Variants in ANGPTL4 observed in about 807,000 individuals in gnomAD.
ANGPTL4 encodes angiopoietin-related protein 4.
Under a neutral mutation model 39.2 loss-of-function variants are expected in ANGPTL4, and 39 were observed. The ratio of observed to expected loss-of-function variants is 1.00; its 90% CI spans 0.77 to 1.30. ANGPTL4 has a LOEUF of 1.30. Ranked by LOEUF, ANGPTL4 falls within the 50% of genes most tolerant of loss-of-function variation. ANGPTL4 has a pLI of 0.00. For missense variants in ANGPTL4, 545 were observed against 549.8 expected, an observed-to-expected ratio of 0.99 and a Z score of 0.09; for synonymous variants, 233 against 229.5, an observed-to-expected ratio of 1.02 and a Z score of -0.14.
rs200197036 is a variant in ANGPTL4 at position 8,366,196 on chromosome 19, TC to T, written c.430-4del. 3,394 of 1,614,004 alleles carry T rather than the reference TC, an allele frequency of 2.1e-3. 80 individuals are homozygous for T. The African/African-American group carries it at 0.043, about 20-fold the overall frequency. ...GACCTGACACCCTCCTCCCGTCCCA[TC>T]CTAGTTTGGCCTCCTGGACCACAAG... On this transcript the variant is annotated splice_polypyrimidine_tract_variant and splice_region_variant and intron_variant, in intron 2 of 6. Coordinates refer to ENST00000301455, the MANE Select transcript of ANGPTL4 (RefSeq NM_139314.3).
At chr19:8,373,130 C>T (rs548981208) in intron 6 of ANGPTL4, among the ~76,000 whole-genome samples, 34 of 151,572 alleles carry the variant, frequency 2.2e-4, no homozygotes, top group African/African-American at 7.3e-4. Context: ...TTAGGCCAGG[C>T]GCAGTGGGTC....
At chr19:8,369,823 G>C (rs967172376) in intron 4 of ANGPTL4, among the ~76,000 whole-genome samples, 41 of 152,014 alleles carry the variant, frequency 2.7e-4, no homozygotes, top group African/African-American at 9.7e-4. Context: ...ACTTTGGGAG[G>C]CCTATCATGA....
chr19:8,366,176 G>A (rs1444696745), intron 2 of ANGPTL4, 26 bp from the exon 3 acceptor site: 1 of 1,613,194 alleles, frequency 6.2e-7, no homozygotes, highest in Admixed American at 1.7e-5. Context: ...GGCAGGACCT[G>A]ACACCCTCCT....
At chr19:8,364,722 G>A in intron 1 of ANGPTL4, 83 bp downstream of exon 1, 2 of 1,502,062 alleles carry the variant, frequency 1.3e-6, no homozygotes, top group Middle Eastern at 1.9e-4. Flanking sequence ...GGGCGTGGGG[G>A]CGGGGTGCGC....
At chr19:8,364,750 C>G (rs10419021) in intron 1 of ANGPTL4, 111 bp downstream of exon 1, 19 of 1,340,724 alleles carry the variant, frequency 1.4e-5, no homozygotes, top group Middle Eastern at 2.2e-4. Context: ...GCTCCCTGGG[C>G]TTCCCTGCGT....
chr19:8,368,391 T>C lies in ANGPTL4; in HGVS notation c.548-828T>C, dbSNP rs550588376. 9.2e-4 allele frequency among the ~76,000 whole-genome samples: 140 copies of C among 152,338 alleles called. 1 individual carries two copies. The highest frequency in any genetic ancestry group is 3.2e-3 in the African/African-American group (132 of 41,586). The stretch of plus-strand genomic sequence containing the variant: ...CCAGGCTGTGGGCAGAGCTGCTCCT[T>C]GTCCCCAGCCTCATGGAGCCTCCAT... On this transcript the variant is annotated intron_variant, in intron 3 of 6. Coordinates refer to ENST00000301455, the MANE Select transcript of ANGPTL4 (RefSeq NM_139314.3).
intron 3 of ANGPTL4, among the ~76,000 whole-genome samples, chr19:8,367,319 C>T (rs1971026436): frequency 6.6e-6 from 1 of 152,150 alleles, no homozygotes. Flanking sequence ...GGCACAAGTC[C>T]TGGCTGGGAA....
In ANGPTL4 at chr19:8,369,241, G is replaced by T. The variant is rs559356885; in HGVS notation, c.570G>T (p.Glu190Asp). The T allele has an allele frequency of 6.2e-7, 1 of 1,611,696 alleles. No individual in the cohort carries two copies. Among genetic ancestry groups the T allele is most frequent in the African/African-American group, 1.3e-5 (1 of 75,000 alleles). ...CAGGGCTGCCCAGGGATTGCCAGGA[G>T]CTGTTCCAGGTTGGGGAGAGGCAGA... Reference protein sequence around the residue: ...RLHRLPRDCQELFQVGERQSG... With the variant: ...RLHRLPRDCQDLFQVGERQSG... The change falls in exon 4 of 7, where the codon GAG becomes GAT. Residue 190 changes from glutamate (E) to aspartate (D), a missense_variant. Transcript: ENST00000301455.
intron 3 of ANGPTL4, among the ~76,000 whole-genome samples, 170 bp downstream of exon 3, chr19:8,366,489 C>T (rs111469695): frequency 6.6e-6 from 1 of 152,200 alleles, no homozygotes; most frequent in African/African-American, 2.4e-5. Context: ...CCTTCCTCAG[C>T]CCTGACCTGG....
At position 8,365,944 on chromosome 19, in the gene ANGPTL4, C is replaced by T. The variant is rs1970992845; in HGVS notation, c.319-10C>T. ...GCTGGGTCCTCACCAAGGTTTTCAC[C>T]CCTCCCCAGACACAACTCAAGGCTC... On this transcript the variant is annotated splice_polypyrimidine_tract_variant and intron_variant, in intron 1 of 6. Transcript: ENST00000301455. 2.5e-6 allele frequency: 4 copies of T among 1,612,684 alleles called. No individual in the cohort carries two copies. Among genetic ancestry groups the T allele is most frequent in the Non-Finnish European group, 3.4e-6 (4 of 1,179,028 alleles).
rs776032253 is a variant in ANGPTL4, at chr19:8,371,300, C to T, written c.817C>T (p.Leu273=). Residue 273 remains leucine, a synonymous_variant, in exon 6 of 7, where the codon CTG becomes TTG. Transcript: ENST00000301455. This position sits in a 1 kb window ranked among gnomAD's most constrained non-coding sequence, Gnocchi z 5.1. ...CATCACGGGGGACCGCAACAGCCGCCTGGCCGTGCAGCTGCGGGACTGGGA... is the reference window on the plus strand; with the variant it reads ...CATCACGGGGGACCGCAACAGCCGCTTGGCCGTGCAGCTGCGGGACTGGGA... ...HSITGDRNSR[L]AVQLRDWDGN... 7 of 1,613,992 alleles carry T rather than the reference C, an allele frequency of 4.3e-6. No individual in the cohort carries two copies. The South Asian group carries it at 7.7e-5, about 18-fold the overall frequency.
intron 3 of ANGPTL4, among the ~76,000 whole-genome samples, chr19:8,367,555 C>G (rs1044979375): frequency 6.6e-6 from 1 of 152,154 alleles, no homozygotes. Flanking sequence ...ACTCTGGGCC[C>G]GCCCCCACCC....
At chr19:8,370,367 G>A in intron 4 of ANGPTL4, among the ~76,000 whole-genome samples, 1 of 150,916 alleles carries the variant, frequency 6.6e-6, no homozygotes, top group East Asian at 2.0e-4. Context: ...GATCACACCT[G>A]TGAATAGCCA....
At chr19:8,372,847 C>A (rs1053115742) in intron 6 of ANGPTL4, among the ~76,000 whole-genome samples, 3 of 152,062 alleles carry the variant, frequency 2.0e-5, no homozygotes, top group Non-Finnish European at 4.4e-5. Flanking sequence ...GTCCCAGCTA[C>A]TTGGGAGGCC....
intron 6 of ANGPTL4, among the ~76,000 whole-genome samples, chr19:8,373,367 G>A (rs1353678478): frequency 6.6e-6 from 1 of 151,786 alleles, no homozygotes; most frequent in Non-Finnish European, 1.5e-5. Flanking sequence ...TTGTGCCACT[G>A]CACTCCAGCC....
Position 8,366,254 on chromosome 19 carries a change from G to A in ANGPTL4, c.482G>A (p.Arg161Gln), listed in dbSNP as rs780461101. ...HLDHEVAKPA[R>Q]RKRLPEMAQP... ...GACCATGAGGTGGCCAAGCCTGCCC[G>A]AAGAAAGAGGCTGCCCGAGATGGCC... is the stretch of plus-strand genomic sequence containing the variant. Residue 161 changes from arginine to glutamine, a missense_variant, in exon 3 of 7, where the codon CGA (arginine) becomes CAA (glutamine). Arg to Gln is a conservative substitution (Grantham distance 43). Coordinates refer to ENST00000301455, the MANE Select transcript of ANGPTL4 (RefSeq NM_139314.3). The A allele has an allele frequency of 1.3e-5, 21 of 1,613,972 alleles. No homozygotes were observed. The highest frequency in any genetic ancestry group is 1.6e-5 in the Non-Finnish European group (19 of 1,180,034).
At chr19:8,370,870 A>C (rs1169049646) in intron 4 of ANGPTL4, among the ~76,000 whole-genome samples, 186 bp from the exon 5 acceptor site, 2 of 152,036 alleles carry the variant, frequency 1.3e-5, no homozygotes, top group Non-Finnish European at 2.9e-5. Flanking sequence ...CTTGGGACAA[A>C]GATCTTCCCA....
chr19:8,364,674 A>C (rs1219433038), intron 1 of ANGPTL4, 35 bp downstream of exon 1: 1 of 1,561,146 alleles, frequency 6.4e-7, no homozygotes, highest in South Asian at 1.2e-5. Flanking sequence ...CCGCGCCCCT[A>C]GTGGCTCTCC....
chr19:8,369,231 A>G lies in ANGPTL4; in HGVS notation c.560A>G (p.Asp187Gly). ...NVSRLHRLPRDCQELFQVGER... is the reference protein window; with the variant it reads ...NVSRLHRLPRGCQELFQVGER... ...TATCTCCCTTCAGGGCTGCCCAGGGATTGCCAGGAGCTGTTCCAGGTTGGG... is the reference window on the plus strand; with the variant it reads ...TATCTCCCTTCAGGGCTGCCCAGGGGTTGCCAGGAGCTGTTCCAGGTTGGG... The change falls in exon 4 of 7, where the codon GAT becomes GGT. Residue 187 changes from aspartate to glycine, a missense_variant. Asp to Gly is a moderately conservative substitution (Grantham distance 94). Coordinates refer to ENST00000301455, the MANE Select transcript of ANGPTL4 (RefSeq NM_139314.3). 1 of 1,610,910 alleles carries G rather than the reference A, an allele frequency of 6.2e-7. No individual in the cohort carries two copies. Among genetic ancestry groups the G allele is most frequent in the Non-Finnish European group, 8.5e-7 (1 of 1,179,610 alleles).
Sources: gnomAD v4.1 joint callset for allele counts (sites outside exome capture counted in the v4.1 genomes callset) on GRCh38, gnomAD v4.1.1 for gene constraint, Gnocchi (gnomAD v3.1) non-coding constraint, MANE v1.5 for transcripts, NCBI Gene and HGNC (gene_info 2026-07-23, HGNC 2026-07-21) for gene names.